RPSA2: variants seen among roughly 807,000 people sequenced by gnomAD.
RPSA2 encodes ribosomal protein SA 2, also known as small ribosomal subunit protein uS2B.
the RPSA2 span, among the ~76,000 whole-genome samples, chr19:23,812,011 C>T: frequency 2.0e-5 from 3 of 152,026 alleles, no homozygotes; most frequent in Non-Finnish European, 4.4e-5. Context: ...TTTAAAATGC[C>T]TGCCTTCCGG....
At chr19:23,851,476 G>C in the RPSA2 span, among the ~76,000 whole-genome samples, 359 of 152,244 alleles carry the variant, frequency 2.4e-3, no homozygotes, top group African/African-American at 8.4e-3. Flanking sequence ...TATAGAAAGG[G>C]TGTCTACATT....
At chr19:23,833,115 A>C in the RPSA2 span, 1 of 1,238,108 alleles carries the variant, frequency 8.1e-7, no homozygotes, top group Non-Finnish European at 1.0e-6. Flanking sequence ...AACATAAGGT[A>C]ATTCTTACTG....
chr19:23,812,309 T>A, the RPSA2 span, among the ~76,000 whole-genome samples: 2 of 152,116 alleles, frequency 1.3e-5, no homozygotes, highest in East Asian at 3.8e-4. Context: ...TATGTGTGTG[T>A]TTATATCTGC....
chr19:23,846,360 T>C, the RPSA2 span, among the ~76,000 whole-genome samples: 1,776 of 152,276 alleles, frequency 0.012, 39 homozygotes, highest in African/African-American at 0.04. Flanking sequence ...ATGTTAATTA[T>C]TGCCTTGTTT....
chr19:23,809,460 T>C, the RPSA2 span: 1 of 152,294 alleles, frequency 6.6e-6, no homozygotes, highest in East Asian at 1.9e-4. Context: ...CTTTGGATAA[T>C]ATGGCAGTTT....
the RPSA2 span, among the ~76,000 whole-genome samples, chr19:23,765,457 TA>T: frequency 0.97 from 147,730 of 151,846 alleles, 71,988 homozygotes; most frequent in Middle Eastern, 1. Context: ...TGTGCATCTA[TA>T]AAAAAAAAAT....
chr19:23,862,966 C>T, the RPSA2 span, among the ~76,000 whole-genome samples: 1 of 149,944 alleles, frequency 6.7e-6, no homozygotes, highest in African/African-American at 2.5e-5. Flanking sequence ...TGCAATGGCA[C>T]AAACTTGGTT....
chr19:23,852,920 T>C, the RPSA2 span, among the ~76,000 whole-genome samples: 2 of 152,254 alleles, frequency 1.3e-5, no homozygotes. Flanking sequence ...TTGAATTTTA[T>C]CCTGAGCAAT....
the RPSA2 span, among the ~76,000 whole-genome samples, chr19:23,869,459 G>C: frequency 2.6e-5 from 4 of 152,154 alleles, no homozygotes; most frequent in Non-Finnish European, 5.9e-5. Context: ...CCCTTCAATA[G>C]TTCTGACCTC....
chr19:23,848,858 A>G, the RPSA2 span, among the ~76,000 whole-genome samples: 6 of 152,230 alleles, frequency 3.9e-5, no homozygotes, highest in African/African-American at 1.4e-4. Flanking sequence ...ATTTGAATAG[A>G]TTGGTGTAAT....
At chr19:23,799,003 C>T in the RPSA2 span, 1 of 152,086 alleles carries the variant, frequency 6.6e-6, no homozygotes, top group South Asian at 2.1e-4. Flanking sequence ...TAGAGAGCAG[C>T]AGAGATAGAA....
chr19:23,833,215 C>T, the RPSA2 span: 3 of 1,164,394 alleles, frequency 2.6e-6, no homozygotes, highest in Admixed American at 4.0e-5. Context: ...TACTTGAAAG[C>T]AACCCTACAA....
the RPSA2 span, among the ~76,000 whole-genome samples, chr19:23,864,715 G>A: frequency 0.17 from 26,010 of 152,146 alleles, 2,990 homozygotes; most frequent in East Asian, 0.51. Flanking sequence ...TAACTAATTT[G>A]TAATTAGACT....
At chr19:23,785,628 T>A in the RPSA2 span, among the ~76,000 whole-genome samples, 2 of 152,138 alleles carry the variant, frequency 1.3e-5, no homozygotes, top group Non-Finnish European at 2.9e-5. Context: ...AGTATTAAAG[T>A]GATGTGACAC....
At chr19:23,858,702 T>A in the RPSA2 span, among the ~76,000 whole-genome samples, 1 of 152,222 alleles carries the variant, frequency 6.6e-6, no homozygotes, top group African/African-American at 2.4e-5. Context: ...GAGCTACATG[T>A]GGACTGCGCA....
the RPSA2 span, among the ~76,000 whole-genome samples, chr19:23,792,064 T>C: frequency 6.6e-6 from 1 of 152,182 alleles, no homozygotes; most frequent in Non-Finnish European, 1.5e-5. Flanking sequence ...AATAATAAAA[T>C]AATTGTCTGA....
the RPSA2 span, chr19:23,763,261 C>T: frequency 3.3e-5 from 5 of 152,496 alleles, no homozygotes; most frequent in Admixed American, 2.6e-4. Flanking sequence ...CGTCCCAGGC[C>T]CCTCTGGCCG....
chr19:23,843,243 T>C, the RPSA2 span: 1 of 256,412 alleles, frequency 3.9e-6, no homozygotes, highest in Non-Finnish European at 8.2e-6. Flanking sequence ...CCCTGGTATG[T>C]AAAGAGACAT....
the RPSA2 span, among the ~76,000 whole-genome samples, chr19:23,800,716 T>A: frequency 6.6e-6 from 1 of 152,016 alleles, no homozygotes; most frequent in Non-Finnish European, 1.5e-5. Context: ...TGGGTTTAAG[T>A]GATTCTCCTG....
Sources: allele counts gnomAD v4.1 joint callset (sites outside exome capture counted in the v4.1 genomes callset), GRCh38; gene constraint gnomAD v4.1.1; transcripts MANE v1.5; gene names NCBI Gene and HGNC (gene_info 2026-07-23, HGNC 2026-07-21).